Variants in TMEM163 observed in about 807,000 individuals in gnomAD.
TMEM163 encodes the protein transmembrane protein 163.
In TMEM163, 17 loss-of-function variants were observed where a neutral mutation model predicts 29.3. The observed-to-expected ratio is 0.58, with a 90% CI of 0.40 to 0.87. The LOEUF is 0.87. TMEM163 is among the 40% of genes least tolerant of loss of function. The pLI is 0.00. For synonymous variants in TMEM163, 157 were observed against 160.6 expected (o/e 0.98, Z 0.17); for missense variants, 303 against 381.5 (o/e 0.79, Z 1.71).
intron 5 of TMEM163, among the ~76,000 whole-genome samples, chr2:134,479,817 G>C (rs943723569): frequency 6.6e-6 from 1 of 152,202 alleles, no homozygotes; most frequent in Non-Finnish European, 1.5e-5. Flanking sequence ...TAGGAGGCCT[G>C]ATGCTACCCA....
chr2:134,491,593 C>G (rs528326860), intron 5 of TMEM163, among the ~76,000 whole-genome samples: 1 of 152,142 alleles, frequency 6.6e-6, no homozygotes, highest in Admixed American at 6.5e-5. Flanking sequence ...TTCCACTCGC[C>G]CTGTGTCTCT....
chr2:134,585,288 C>T (rs1438575498), intron 2 of TMEM163, among the ~76,000 whole-genome samples: 2 of 152,254 alleles, frequency 1.3e-5, no homozygotes, highest in South Asian at 2.1e-4. Context: ...GGACTACAGG[C>T]ACAGAGTCTG....
intron 2 of TMEM163, among the ~76,000 whole-genome samples, chr2:134,706,408 G>A (rs559053170): frequency 4.6e-5 from 7 of 152,262 alleles, no homozygotes; most frequent in Non-Finnish European, 5.9e-5. Flanking sequence ...CTGTGTTAGC[G>A]GCTGACAACA....
intron 4 of TMEM163, among the ~76,000 whole-genome samples, chr2:134,543,475 G>T (rs1230681055): frequency 1.3e-5 from 2 of 152,212 alleles, no homozygotes; most frequent in Non-Finnish European, 2.9e-5. Context: ...CACTTTCTCA[G>T]AGCCTCTGAT....
intron 1 of TMEM163, among the ~76,000 whole-genome samples, chr2:134,715,808 G>A (rs189079894): frequency 6.6e-6 from 1 of 152,206 alleles, no homozygotes; most frequent in African/African-American, 2.4e-5. Context: ...GAGAAGCTAC[G>A]ACAGGCCTCG....
In TMEM163 at chr2:134,511,233, T is replaced by C. The variant is rs138924234; in HGVS notation, c.459-8236A>G. Reference sequence around the variant, plus strand: ...TACATCTGAACAAAGACCTACCAGATGGGAGAGTCAGCTCTGCAGCCACCT... The same window carrying C: ...TACATCTGAACAAAGACCTACCAGACGGGAGAGTCAGCTCTGCAGCCACCT... On this transcript the variant is annotated intron_variant, in intron 4 of 7. Transcript: ENST00000281924. 3.3e-5 allele frequency among the ~76,000 whole-genome samples: 5 copies of C among 150,880 alleles called. No individual in the cohort carries two copies. The East Asian group carries it at 5.9e-4, about 18-fold the overall frequency.
At chr2:134,463,679 T>C (rs955191990) in intron 6 of TMEM163, among the ~76,000 whole-genome samples, 5 of 152,240 alleles carry the variant, frequency 3.3e-5, no homozygotes, top group African/African-American at 9.6e-5. Context: ...AGCAGAGGGG[T>C]TGCTTGGCTG....
rs754274159 is a variant in TMEM163 at position 134,695,270 on chromosome 2, G to T, written c.322+17930C>A. 2.0e-5 allele frequency among the ~76,000 whole-genome samples: 3 copies of T among 152,058 alleles called. No individual in the cohort carries two copies. The East Asian group carries it at 5.8e-4, about 29-fold the overall frequency. On this transcript the variant is annotated intron_variant, in intron 2 of 7. Coordinates refer to ENST00000281924, the MANE Select transcript of TMEM163 (RefSeq NM_030923.5). ...TTTTTGTATTTCCAGTAGAGATGGG[G>T]TTTCACCATGTTGGCCAGGCTGGTC...
chr2:134,543,509 C>T (rs745656731), intron 4 of TMEM163, among the ~76,000 whole-genome samples: 6 of 152,188 alleles, frequency 3.9e-5, no homozygotes, highest in African/African-American at 9.7e-5. Context: ...AAACACCCTA[C>T]GGGAAGAAGC....
chr2:134,469,851 T>C (rs1308645938), intron 5 of TMEM163: 3 of 152,392 alleles, frequency 2.0e-5, no homozygotes, highest in African/African-American at 4.8e-5. Context: ...GCCATCTTCA[T>C]GGGCGCCAGT....
chr2:134,600,018 T>C (rs186258401), intron 2 of TMEM163, among the ~76,000 whole-genome samples: 1 of 152,294 alleles, frequency 6.6e-6, no homozygotes, highest in Admixed American at 6.5e-5. Context: ...GTTGCTCCCA[T>C]TATAAAGCAA....
At chr2:134,594,172 T>A (rs575308184) in intron 2 of TMEM163, among the ~76,000 whole-genome samples, 1 of 151,332 alleles carries the variant, frequency 6.6e-6, no homozygotes, top group African/African-American at 2.4e-5. Flanking sequence ...ACACTTGTAA[T>A]CTGCATCATT....
In TMEM163 at chr2:134,550,654, G is replaced by T; in HGVS notation, c.374C>A (p.Ala125Asp). The stretch of plus-strand genomic sequence containing the variant: ...CGCCGATGACAGGACGTCCAGGATG[G>T]CATCAAACTAGGAGAAGGAGACATG... ...SASAFGFAFD[A>D]ILDVLSSAIV... The change falls in exon 4 of 8, where the codon GCC becomes GAC. Residue 125 changes from alanine to aspartate, a missense_variant. Around this residue, in one of 2 missense-constraint regions of TMEM163, gnomAD observed 203 missense variants for 294.3 expected, o/e 0.69. Transcript: ENST00000281924. 1 of 1,614,132 alleles carries T rather than the reference G, an allele frequency of 6.2e-7. No homozygotes were observed. Among genetic ancestry groups the T allele is most frequent in the Non-Finnish European group, 8.5e-7 (1 of 1,179,974 alleles).
At chr2:134,718,108 T>C (rs1685073732) in intron 1 of TMEM163, among the ~76,000 whole-genome samples, 1 of 152,176 alleles carries the variant, frequency 6.6e-6, no homozygotes, top group Non-Finnish European at 1.5e-5. Flanking sequence ...AAATGTCCCA[T>C]TCCTCTGCCC....
chr2:134,702,509 G>T lies in TMEM163; in HGVS notation c.322+10691C>A, dbSNP rs1331352889. On this transcript the variant is annotated intron_variant, in intron 2 of 7. Transcript: ENST00000281924. Reference sequence around the variant, plus strand: ...AAAATTCCAAAATTAGCCGGGCATGGTGGCACGCCCCTGTAGTCCCAGCTA... The same window carrying T: ...AAAATTCCAAAATTAGCCGGGCATGTTGGCACGCCCCTGTAGTCCCAGCTA... Among the ~76,000 whole-genome samples the T allele has an allele frequency of 2.0e-5, 3 of 152,116 alleles. No homozygotes were observed. In the South Asian group the frequency reaches 6.2e-4, roughly 32 times the overall value.
At chr2:134,662,567 G>A (rs186408560) in intron 2 of TMEM163, among the ~76,000 whole-genome samples, 21 of 152,228 alleles carry the variant, frequency 1.4e-4, no homozygotes, top group African/African-American at 4.8e-4. Flanking sequence ...AAATATGACT[G>A]AAAGGTTCAT....
intron 2 of TMEM163, among the ~76,000 whole-genome samples, chr2:134,697,071 C>G (rs1005264642): frequency 6.6e-6 from 1 of 152,088 alleles, no homozygotes; most frequent in Non-Finnish European, 1.5e-5. Context: ...CCACCATGCC[C>G]GGCTTCCCTT....
intron 2 of TMEM163, among the ~76,000 whole-genome samples, chr2:134,579,031 G>GCTTT (rs1681629784): frequency 6.6e-6 from 1 of 152,154 alleles, no homozygotes; most frequent in Admixed American, 6.5e-5. Context: ...AACTTCAAAA[G>GCTTT]TGAAGTTTCC....
chr2:134,712,886 T>C (rs925661711), intron 2 of TMEM163, among the ~76,000 whole-genome samples: 2 of 152,178 alleles, frequency 1.3e-5, no homozygotes, highest in African/African-American at 4.8e-5. Flanking sequence ...ATGTGTCACA[T>C]GTCAGCCCAA....
Sources: allele counts gnomAD v4.1 joint callset (sites outside exome capture counted in the v4.1 genomes callset), GRCh38; gene constraint gnomAD v4.1.1; regional missense constraint gnomAD v4.1.1; transcripts MANE v1.5; gene names NCBI Gene and HGNC (gene_info 2026-07-23, HGNC 2026-07-21).